STX8: variants seen among roughly 807,000 people sequenced by gnomAD.
STX8 encodes the protein syntaxin-8.
Under a neutral mutation model 37.5 loss-of-function variants are expected in STX8, and 23 were observed. The observed-to-expected ratio is 0.61, with a 90% CI of 0.44 to 0.87. The LOEUF is 0.87. Among genes scored for constraint, STX8 ranks in the 40% least tolerant of loss-of-function variants. STX8 has a pLI of 0.00. For synonymous variants in STX8, 115 were observed against 99.1 expected, an observed-to-expected ratio of 1.16 and a Z score of -0.95; for missense variants, 313 against 284.7, an observed-to-expected ratio of 1.10 and a Z score of -0.71.
At chr17:9,369,818 G>A (rs1911344658) in intron 7 of STX8, among the ~76,000 whole-genome samples, 1 of 148,212 alleles carries the variant, frequency 6.7e-6, no homozygotes, top group African/African-American at 2.5e-5. Flanking sequence ...ACTTAAGCCT[G>A]GGAGGTGGAG....
chr17:9,552,788 G>A (rs1167259093), intron 3 of STX8: 1 of 151,894 alleles, frequency 6.6e-6, no homozygotes, highest in Non-Finnish European at 1.5e-5. Flanking sequence ...GAGTAGCTGG[G>A]ACTACAGGCG....
chr17:9,316,687 C>A (rs1475109813), intron 7 of STX8, among the ~76,000 whole-genome samples: 1 of 152,148 alleles, frequency 6.6e-6, no homozygotes, highest in African/African-American at 2.4e-5. Flanking sequence ...TGAAGTGTTT[C>A]TTGGAGTTCC....
chr17:9,545,374 T>C, intron 3 of STX8, 92 bp from the exon 4 acceptor site: 1 of 935,414 alleles, frequency 1.1e-6, no homozygotes, highest in South Asian at 1.5e-5. Flanking sequence ...AGTTGTGGCT[T>C]TTACAGACTG....
chr17:9,316,220 A>G (rs1474126994), intron 7 of STX8, among the ~76,000 whole-genome samples: 1 of 152,066 alleles, frequency 6.6e-6, no homozygotes, highest in Admixed American at 6.6e-5. Flanking sequence ...AATGAGAAAT[A>G]TATATTTGGC....
Position 9,568,358 on chromosome 17 carries a change from T to G in STX8, c.117+13A>C, listed in dbSNP as rs1412416533. ...AAACAAATCATTGGGTACTAATTCC[T>G]TCATGGTATTACCTTTGGTGCCTTT... is the stretch of plus-strand genomic sequence containing the variant. On this transcript the variant is annotated intron_variant, in intron 2 of 7. Transcript: ENST00000306357. 2 of 1,599,484 alleles carry G rather than the reference T, an allele frequency of 1.3e-6. No individual in the cohort carries two copies. The highest frequency in any genetic ancestry group is 1.7e-6 in the Non-Finnish European group (2 of 1,169,846).
chr17:9,327,385 G>T (rs565312531), intron 7 of STX8, among the ~76,000 whole-genome samples: 70 of 151,134 alleles, frequency 4.6e-4, no homozygotes, highest in African/African-American at 1.6e-3. Flanking sequence ...GGAGAAGGAG[G>T]GGGAGAGGGA....
intron 7 of STX8, among the ~76,000 whole-genome samples, chr17:9,339,007 C>A (rs998517053): frequency 6.8e-6 from 1 of 147,048 alleles, no homozygotes; most frequent in Non-Finnish European, 1.5e-5. Flanking sequence ...GGAAGCGGAG[C>A]TTGCAGTGAA....
intron 7 of STX8, among the ~76,000 whole-genome samples, chr17:9,296,986 G>A (rs965878591): frequency 6.6e-6 from 1 of 152,034 alleles, no homozygotes; most frequent in African/African-American, 2.4e-5. Context: ...CAAGAGACAA[G>A]CTCAATGAAT....
intron 7 of STX8, among the ~76,000 whole-genome samples, chr17:9,326,797 G>C (rs561475521): frequency 1.3e-5 from 2 of 152,296 alleles, no homozygotes; most frequent in East Asian, 3.9e-4. Flanking sequence ...AACAAGGATG[G>C]GTTAAGAAGA....
chr17:9,311,746 T>A (rs780653025), intron 7 of STX8, among the ~76,000 whole-genome samples: 1 of 152,238 alleles, frequency 6.6e-6, no homozygotes. Flanking sequence ...CCCTATCTCA[T>A]TGGATGGTTG....
At chr17:9,327,352 A>G (rs7210993) in intron 7 of STX8, among the ~76,000 whole-genome samples, 1 of 145,746 alleles carries the variant, frequency 6.9e-6, no homozygotes, top group African/African-American at 2.5e-5. Context: ...GGAGGAGGAG[A>G]AGGAGAGGGA....
chr17:9,444,960 A>T (rs1331699712), intron 6 of STX8, among the ~76,000 whole-genome samples: 1 of 152,192 alleles, frequency 6.6e-6, no homozygotes, highest in Non-Finnish European at 1.5e-5. Context: ...CCAGCTGGGA[A>T]GCAAGTCATT....
intron 4 of STX8, among the ~76,000 whole-genome samples, chr17:9,530,030 G>A (rs568583358): frequency 2.2e-4 from 33 of 152,092 alleles, no homozygotes; most frequent in Non-Finnish European, 4.6e-4. Flanking sequence ...CTGCTAGGCC[G>A]GGCGCAGTGG....
intron 6 of STX8, among the ~76,000 whole-genome samples, chr17:9,405,698 C>T (rs1912777730): frequency 6.6e-6 from 1 of 152,150 alleles, no homozygotes; most frequent in Non-Finnish European, 1.5e-5. Flanking sequence ...ATTGGTCACT[C>T]ACTTGCAATG....
intron 7 of STX8, among the ~76,000 whole-genome samples, chr17:9,333,513 G>C (rs902239605): frequency 6.6e-6 from 1 of 152,022 alleles, no homozygotes; most frequent in East Asian, 1.9e-4. Flanking sequence ...TCAGCCTCCC[G>C]AGTAGCTGGG....
chr17:9,536,116 G>A (rs900665179), intron 4 of STX8, among the ~76,000 whole-genome samples: 15 of 152,182 alleles, frequency 9.9e-5, no homozygotes, highest in Non-Finnish European at 2.1e-4. Flanking sequence ...TGAGGAGAAG[G>A]AGACATAGTG....
At chr17:9,346,448 GA>G (rs1229409953) in intron 7 of STX8, among the ~76,000 whole-genome samples, 2 of 152,082 alleles carry the variant, frequency 1.3e-5, no homozygotes, top group Non-Finnish European at 2.9e-5. Context: ...GTGTGTCATG[GA>G]AAATTAAGAA....
At chr17:9,412,946 T>C (rs1032708434) in intron 6 of STX8, among the ~76,000 whole-genome samples, 1 of 152,188 alleles carries the variant, frequency 6.6e-6, no homozygotes, top group East Asian at 1.9e-4. Context: ...CATGATTAGA[T>C]GTTTGCTTTA....
At chr17:9,323,160 C>T (rs1386291525) in intron 7 of STX8, among the ~76,000 whole-genome samples, 3 of 152,026 alleles carry the variant, frequency 2.0e-5, no homozygotes, top group African/African-American at 7.2e-5. Flanking sequence ...AAACAGATGC[C>T]AATGCTTTCA....
Sources: gnomAD v4.1 joint callset for allele counts (sites outside exome capture counted in the v4.1 genomes callset) on GRCh38, gnomAD v4.1.1 for gene constraint, MANE v1.5 for transcripts, NCBI Gene and HGNC (gene_info 2026-07-23, HGNC 2026-07-21) for gene names.